Variants in COLEC12 observed in about 807,000 individuals in gnomAD.
COLEC12 encodes the protein collectin subfamily member 12, also known as collectin-12.
In COLEC12, 33 loss-of-function variants were observed where a neutral mutation model predicts 71.1. That is an observed-to-expected ratio of 0.46 (90% CI 0.35 to 0.62). COLEC12 has a LOEUF of 0.62. Among genes scored for constraint, COLEC12 ranks in the 20% least tolerant of loss-of-function variants. COLEC12 has a pLI of 0.00. For missense variants in COLEC12, 765 were observed against 916.1 expected, an observed-to-expected ratio of 0.84 and a Z score of 2.13; for synonymous variants, 350 against 353.0, an observed-to-expected ratio of 0.99 and a Z score of 0.10.
In COLEC12 at chr18:455,149, C is replaced by T. The variant is rs113903608; in HGVS notation, c.58+25558G>A. The stretch of plus-strand genomic sequence containing the variant: ...GGCTAAAGATCACTGCTTCCCGCTC[C>T]ATGGCCGCATTGTGGCTAAGCGGAA... On this transcript the variant is annotated intron_variant, in intron 2 of 9. Transcript: ENST00000400256. 2.3e-3 allele frequency among the ~76,000 whole-genome samples: 356 copies of T among 152,300 alleles called. 2 individuals are homozygous for T. Among genetic ancestry groups the T allele is most frequent in the African/African-American group, 8.1e-3 (336 of 41,556 alleles).
At chr18:401,307 T>C (rs1915681729) in intron 2 of COLEC12, among the ~76,000 whole-genome samples, 1 of 152,246 alleles carries the variant, frequency 6.6e-6, no homozygotes, top group Non-Finnish European at 1.5e-5. Context: ...ATTATAGTTC[T>C]TCAGATCTGT....
At chr18:479,780 G>C (rs1421520154) in intron 2 of COLEC12, among the ~76,000 whole-genome samples, 2 of 152,148 alleles carry the variant, frequency 1.3e-5, no homozygotes, top group East Asian at 1.9e-4. Flanking sequence ...CAGAGGGTGT[G>C]TATGAGTTTC....
Position 399,817 on chromosome 18 carries a change from A to AGGACTATG in COLEC12, c.59-42303_59-42296dup, listed in dbSNP as rs1915644546. Among the ~76,000 whole-genome samples the AGGACTATG allele has an allele frequency of 2.0e-5, 3 of 152,112 alleles. No individual in the cohort carries two copies. In the South Asian group the frequency reaches 6.2e-4, roughly 32 times the overall value. The stretch of plus-strand genomic sequence containing the variant: ...GGAGGCTGAGGGCAGATATGTGGTG[A>AGGACTATG]GGACTATGCTGGTGCACTTGGCAAA... On this transcript the variant is annotated intron_variant, in intron 2 of 9. Coordinates refer to ENST00000400256, the MANE Select transcript of COLEC12 (RefSeq NM_130386.3). This position sits in a 1 kb window ranked among gnomAD's most constrained non-coding sequence, Gnocchi z 4.0.
chr18:351,253 G>A (rs564742455), intron 3 of COLEC12, among the ~76,000 whole-genome samples: 7 of 152,006 alleles, frequency 4.6e-5, no homozygotes, highest in South Asian at 4.2e-4. Flanking sequence ...TCTCTCACAC[G>A]AGCCTTTCCA....
At chr18:336,635 C>A (rs1474955919) in intron 5 of COLEC12, among the ~76,000 whole-genome samples, 4 of 152,070 alleles carry the variant, frequency 2.6e-5, no homozygotes, top group Non-Finnish European at 5.9e-5. Context: ...ACATGTAGGG[C>A]CAGAGATGCC....
chr18:326,562 T>C (rs1295821215), intron 8 of COLEC12, among the ~76,000 whole-genome samples: 2 of 152,228 alleles, frequency 1.3e-5, no homozygotes, highest in African/African-American at 4.8e-5. Flanking sequence ...TCGGCCTGGA[T>C]GGTCTCGAAC....
At chr18:447,999 C>A (rs2621190) in intron 2 of COLEC12, among the ~76,000 whole-genome samples, 143,506 of 152,274 alleles carry the variant, frequency 0.94, 67,690 homozygotes, top group East Asian at 1. Context: ...GACTTTTGGG[C>A]ACAGTGTGTG....
chr18:354,402 C>T (rs1422154668), intron 3 of COLEC12, among the ~76,000 whole-genome samples: 2 of 152,238 alleles, frequency 1.3e-5, no homozygotes, highest in Admixed American at 1.3e-4. Context: ...AAGAAAAGAA[C>T]AATTTTGAGC....
At chr18:407,314 G>T (rs1310738245) in intron 2 of COLEC12, among the ~76,000 whole-genome samples, 1 of 152,222 alleles carries the variant, frequency 6.6e-6, no homozygotes, top group Non-Finnish European at 1.5e-5. Flanking sequence ...CCAATAGGTA[G>T]TGTATATACA....
At chr18:487,554 G>A (rs1363763801) in intron 1 of COLEC12, among the ~76,000 whole-genome samples, 1 of 152,152 alleles carries the variant, frequency 6.6e-6, no homozygotes, top group East Asian at 1.9e-4. Flanking sequence ...AAGATTCAAG[G>A]TTTACTACTT....
rs1914392127 is a variant in COLEC12, at chr18:346,967, G to C, written c.655C>G (p.Leu219Val). ...ACAGACCGCTGCAGATTCGTGATGAGGTTCCTCTGCTGCACCTGGGTCAGG... is the reference window on the plus strand; with the variant it reads ...ACAGACCGCTGCAGATTCGTGATGACGTTCCTCTGCTGCACCTGGGTCAGG... ...LNLTQVQQRN[L>V]ITNLQRSVDD... The change falls in exon 5 of 10, where the codon CTC (leucine) becomes GTC (valine). Residue 219 changes from leucine (L) to valine (V), a missense_variant. Transcript: ENST00000400256. This position sits in a 1 kb window ranked among gnomAD's most constrained non-coding sequence, Gnocchi z 4.0. 1 of 1,614,186 alleles carries C rather than the reference G, an allele frequency of 6.2e-7. No homozygotes were observed. Among genetic ancestry groups the C allele is most frequent in the Non-Finnish European group, 8.5e-7 (1 of 1,180,020 alleles).
chr18:446,435 C>T (rs1916652022), intron 2 of COLEC12, among the ~76,000 whole-genome samples: 1 of 151,450 alleles, frequency 6.6e-6, no homozygotes, highest in Non-Finnish European at 1.5e-5. Context: ...GGCGCAGTGT[C>T]TCATACCTGT....
At position 331,676 on chromosome 18, in the gene COLEC12, T is replaced by C; in HGVS notation, c.2055A>G (p.Pro685=). Residue 685 remains proline, a synonymous_variant, in exon 8 of 10, where the codon CCA becomes CCG. Transcript: ENST00000400256. Reference sequence around the variant, plus strand: ...AGCTTCTGAGTACTTACTTGTAGTCTGGAGATGTCCCATCCAGCCACTTCC... The same window carrying C: ...AGCTTCTGAGTACTTACTTGTAGTCCGGAGATGTCCCATCCAGCCACTTCC... ...NEWKWLDGTS[P]DYKNWKAGQP... is the part of the protein sequence containing the mutation. 3 of 1,605,524 alleles carry C rather than the reference T, an allele frequency of 1.9e-6. No homozygotes were observed. Among genetic ancestry groups the C allele is most frequent in the Non-Finnish European group, 8.5e-7 (1 of 1,172,124 alleles).
In COLEC12 at chr18:321,732, A is replaced by G. The variant is rs1225324745; in HGVS notation, c.2139T>C (p.Tyr713=). 2 of 1,614,154 alleles carry G rather than the reference A, an allele frequency of 1.2e-6. No individual in the cohort carries two copies. The highest frequency in any genetic ancestry group is 2.2e-5 in the East Asian group (1 of 44,892). Residue 713 remains tyrosine (Y), a synonymous_variant, in exon 9 of 10, where the codon TAT becomes TAC. Coordinates refer to ENST00000400256, the MANE Select transcript of COLEC12 (RefSeq NM_130386.3). ...GPGEDCAGLI[Y]AGQWNDFQCE... ...ATTGGAAATCGTTCCACTGCCCAGC[A>G]TAAATCAACCCAGCACAGTCTTCTC...
intron 3 of COLEC12, among the ~76,000 whole-genome samples, chr18:353,004 A>G (rs1479395462): frequency 6.6e-6 from 1 of 152,240 alleles, no homozygotes; most frequent in African/African-American, 2.4e-5. Flanking sequence ...TTCAGGTATT[A>G]TACCTGAAGA....
rs1171743438 is a variant in COLEC12, at chr18:321,806, T to C, written c.2065A>G (p.Asn689Asp). Residue 689 changes from asparagine (N) to aspartate (D), a missense_variant and splice_region_variant, in exon 9 of 10, where the codon AAT becomes GAT. Coordinates refer to ENST00000400256, the MANE Select transcript of COLEC12 (RefSeq NM_130386.3). ...TTATCCGGCTGTCCAGCTTTCCAAT[T>C]TCTTTTAGCAAAACAGAAATTGAAT... ...WLDGTSPDYK[N>D]WKAGQPDNWG... 6.2e-7 allele frequency: 1 copy of C among 1,613,186 alleles called. No individual in the cohort carries two copies. The highest frequency in any genetic ancestry group is 8.5e-7 in the Non-Finnish European group (1 of 1,179,748).
At position 480,722 on chromosome 18, in the gene COLEC12, C is replaced by G. The variant is rs752369032; in HGVS notation, c.43G>C (p.Gly15Arg). Residue 15 changes from glycine to arginine, a missense_variant, in exon 2 of 10, where the codon GGT becomes CGT. Transcript: ENST00000400256. This position sits in a 1 kb window ranked among gnomAD's most constrained non-coding sequence, Gnocchi z 4.1. ...TAGGACTCACCAAACCGCTTGTAAC[C>G]GAAGGATTGCACCTCCTCCTCCTCT... ...FAEEEEVQSF[G>R]YKRFGIQEGT... The G allele has an allele frequency of 3.1e-6, 5 of 1,613,990 alleles. No individual in the cohort carries two copies. The highest frequency in any genetic ancestry group is 2.5e-6 in the Non-Finnish European group (3 of 1,179,984).
intron 2 of COLEC12, among the ~76,000 whole-genome samples, chr18:405,177 T>C (rs1915760739): frequency 6.6e-6 from 1 of 152,190 alleles, no homozygotes. Flanking sequence ...TTAAGATGTT[T>C]ATCAAGACAA....
intron 5 of COLEC12, 40 bp from the exon 6 acceptor site, chr18:335,270 T>G (rs1353934109): frequency 6.4e-7 from 1 of 1,553,242 alleles, no homozygotes; most frequent in East Asian, 2.3e-5. Context: ...TGAAATCCAC[T>G]GTGAATGATA....
Sources: allele counts gnomAD v4.1 joint callset (sites outside exome capture counted in the v4.1 genomes callset), GRCh38; gene constraint gnomAD v4.1.1; non-coding constraint Gnocchi (gnomAD v3.1); transcripts MANE v1.5; gene names NCBI Gene and HGNC (gene_info 2026-07-23, HGNC 2026-07-21).